The following MAPK4 variants were observed in gnomAD, a reference collection of about 807,000 sequenced individuals.
The protein encoded by MAPK4 is Erk3-related.
In MAPK4, 22 loss-of-function variants were observed where a neutral mutation model predicts 47.7. That is an observed-to-expected ratio of 0.46 (90% CI 0.33 to 0.66). The LOEUF is 0.66. MAPK4 is among the 30% of genes least tolerant of loss of function. MAPK4 has a pLI of 0.02. For synonymous variants in MAPK4, 390 were observed against 365.7 expected (o/e 1.07, Z -0.76); for missense variants, 736 against 831.7 (o/e 0.88, Z 1.42).
chr18:50,574,630 C>T (rs2042279000), intron 1 of MAPK4, among the ~76,000 whole-genome samples: 1 of 152,094 alleles, frequency 6.6e-6, no homozygotes, highest in Non-Finnish European at 1.5e-5. Flanking sequence ...AAAATCAGGT[C>T]ATGCTAAATT....
At position 50,729,889 on chromosome 18, in the gene MAPK4, G is replaced by A. The variant is rs182939342; in HGVS notation, c.*35G>A. The A allele has an allele frequency of 2.9e-3, 4,438 of 1,504,578 alleles. 10 individuals carry two copies. Among genetic ancestry groups the A allele is most frequent in the Non-Finnish European group, 3.5e-3 (3,960 of 1,120,134 alleles). The allele number at this position is 1,504,578 out of a possible 1,614,324, so 93.2% of individuals were successfully genotyped here. A position where few individuals can be genotyped will look rare whatever the true frequency, so the allele number is the denominator to read the frequency against. ...GGCCGCTCCAGGCCCCACAGAGCAG[G>A]AGACCCCCAGAGAAAGCCGGGGCTG... On this transcript the variant is annotated 3_prime_UTR_variant, in exon 6 of 6. Transcript: ENST00000400384.
chr18:50,654,847 C>T (rs548105539), intron 1 of MAPK4, among the ~76,000 whole-genome samples: 33 of 152,322 alleles, frequency 2.2e-4, no homozygotes, highest in African/African-American at 6.7e-4. Flanking sequence ...AATTTCTCTC[C>T]GTGCTATTTT....
At chr18:50,589,940 T>G (rs962683347) in intron 1 of MAPK4, among the ~76,000 whole-genome samples, 1 of 152,240 alleles carries the variant, frequency 6.6e-6, no homozygotes, top group African/African-American at 2.4e-5. Flanking sequence ...TCTTTGTTGT[T>G]TCCAGAGAAC....
At chr18:50,672,540 T>C (rs9973094) in intron 2 of MAPK4, among the ~76,000 whole-genome samples, 9,757 of 152,002 alleles carry the variant, frequency 0.064, 691 homozygotes, top group African/African-American at 0.18. Flanking sequence ...CAGAAGAGGA[T>C]CCCGAGAAGA....
chr18:50,681,310 T>A (rs985916061), intron 2 of MAPK4, among the ~76,000 whole-genome samples: 2 of 152,232 alleles, frequency 1.3e-5, no homozygotes, highest in African/African-American at 4.8e-5. Context: ...AAGTCCCTTA[T>A]TAGATGGATA....
intron 1 of MAPK4, among the ~76,000 whole-genome samples, chr18:50,571,632 T>C (rs1245474116): frequency 2.0e-5 from 3 of 152,246 alleles, no homozygotes; most frequent in Non-Finnish European, 4.4e-5. Flanking sequence ...TAAAGAGATA[T>C]AGTTATTTGA....
At chr18:50,712,686 CCT>C in intron 2 of MAPK4, among the ~76,000 whole-genome samples, 1 of 151,352 alleles carries the variant, frequency 6.6e-6, no homozygotes, top group Non-Finnish European at 1.5e-5. Flanking sequence ...AAGAAAGCCC[CCT>C]GTCCCCACTG....
intron 1 of MAPK4, among the ~76,000 whole-genome samples, chr18:50,583,971 G>A (rs2042368064): frequency 6.6e-6 from 1 of 152,182 alleles, no homozygotes; most frequent in East Asian, 1.9e-4. Flanking sequence ...TGAATTGGGG[G>A]CATAAATGTC....
chr18:50,571,657 A>G (rs1262807285), intron 1 of MAPK4, among the ~76,000 whole-genome samples: 2 of 152,236 alleles, frequency 1.3e-5, no homozygotes, highest in African/African-American at 4.8e-5. Flanking sequence ...CATCAGGGCC[A>G]TTTTCTGTAT....
chr18:50,593,245 T>A (rs568869887), intron 1 of MAPK4, among the ~76,000 whole-genome samples: 13 of 152,356 alleles, frequency 8.5e-5, no homozygotes, highest in African/African-American at 2.9e-4. Flanking sequence ...ATTTCTACCC[T>A]AGAGTTTTTC....
intron 1 of MAPK4, among the ~76,000 whole-genome samples, chr18:50,576,537 A>G (rs1037421140): frequency 2.0e-5 from 3 of 152,188 alleles, no homozygotes; most frequent in Non-Finnish European, 2.9e-5. Context: ...CTCAGGTTCT[A>G]TGCTTATTAT....
chr18:50,633,326 G>T (rs2042849932), intron 1 of MAPK4, among the ~76,000 whole-genome samples: 1 of 152,206 alleles, frequency 6.6e-6, no homozygotes, highest in African/African-American at 2.4e-5. Flanking sequence ...AAGTCTGCCT[G>T]GGAGTGAGCC....
chr18:50,670,109 A>T (rs943375505), intron 2 of MAPK4: 2 of 149,204 alleles, frequency 1.3e-5, no homozygotes, highest in Admixed American at 6.8e-5. Context: ...CGGTGAGCCG[A>T]GATCGTGCCA....
At chr18:50,629,870 T>A (rs1191574986) in intron 1 of MAPK4, 4 of 152,242 alleles carry the variant, frequency 2.6e-5, no homozygotes, top group Admixed American at 6.5e-5. Flanking sequence ...CAAGGGCTGC[T>A]GTGAGTAGGT....
At chr18:50,699,607 A>G (rs1909678612) in intron 2 of MAPK4, among the ~76,000 whole-genome samples, 1 of 152,210 alleles carries the variant, frequency 6.6e-6, no homozygotes, top group Admixed American at 6.5e-5. Context: ...CAATTTGTCA[A>G]TTAAGTTCTG....
rs545556571 is a variant in MAPK4, at chr18:50,701,994, C to T, written c.547-13085C>T. Among the ~76,000 whole-genome samples, 3 of 151,770 alleles carry T rather than the reference C, an allele frequency of 2.0e-5. No individual in the cohort carries two copies. In the East Asian group the frequency reaches 5.8e-4, roughly 29 times the overall value. Reference sequence around the variant, plus strand: ...TGGGCAACATAGTGAAACCCTGTCTCTACTAAAAACAGAAAAAATTAGCTG... The same window carrying T: ...TGGGCAACATAGTGAAACCCTGTCTTTACTAAAAACAGAAAAAATTAGCTG... On this transcript the variant is annotated intron_variant, in intron 2 of 5. Transcript: ENST00000400384.
rs1280065774 is a variant in MAPK4 at position 50,657,194 on chromosome 18, T to C, written c.-870-5895T>C. On this transcript the variant is annotated intron_variant, in intron 1 of 5. Coordinates refer to ENST00000400384, the MANE Select transcript of MAPK4 (RefSeq NM_002747.4). ...CCAGCAGGCTTTCCCTTAGGCTTGT[T>C]GACCAGAACAGGATCATATGACCAC... Among the ~76,000 whole-genome samples, 5 of 152,308 alleles carry C rather than the reference T, an allele frequency of 3.3e-5. No homozygotes were observed. The East Asian group carries it at 9.7e-4, about 29-fold the overall frequency.
intron 4 of MAPK4, among the ~76,000 whole-genome samples, chr18:50,725,005 C>A (rs1327820485): frequency 2.6e-5 from 4 of 152,206 alleles, no homozygotes; most frequent in African/African-American, 9.6e-5. Context: ...CCCAGGGCAC[C>A]CACCCCTGCT....
At position 50,673,571 on chromosome 18, in the gene MAPK4, A is replaced by G. The variant is rs184584875; in HGVS notation, c.546+9067A>G. Among the ~76,000 whole-genome samples, 231 of 152,168 alleles carry G rather than the reference A, an allele frequency of 1.5e-3. 3 individuals carry two copies. The highest frequency in any genetic ancestry group is 5.0e-3 in the African/African-American group (208 of 41,542). On this transcript the variant is annotated intron_variant, in intron 2 of 5. Coordinates refer to ENST00000400384, the MANE Select transcript of MAPK4 (RefSeq NM_002747.4). ...ATTTTCCCTGGGTGTAAAATGCTGAATTGGCCGTCGCGGTGGCTCACGCCT... is the reference window on the plus strand; with the variant it reads ...ATTTTCCCTGGGTGTAAAATGCTGAGTTGGCCGTCGCGGTGGCTCACGCCT...
Sources: allele counts gnomAD v4.1 joint callset (sites outside exome capture counted in the v4.1 genomes callset), GRCh38; gene constraint gnomAD v4.1.1; transcripts MANE v1.5; gene names NCBI Gene and HGNC (gene_info 2026-07-23, HGNC 2026-07-21).